Variants in DLGAP1 observed in about 807,000 individuals in gnomAD.
The protein encoded by DLGAP1 is DLG associated protein 1.
A neutral mutation model predicts 90.8 loss-of-function variants in DLGAP1; 11 were observed. The observed-to-expected ratio is 0.12, with a 90% CI of 0.08 to 0.20. The LOEUF (loss-of-function observed/expected upper bound fraction) is 0.20. DLGAP1 is among the 10% of genes least tolerant of loss of function. The pLI is 1.00. For missense variants in DLGAP1, 1,050 were observed against 1,333.8 expected (o/e 0.79, Z 3.31); for synonymous variants, 558 against 540.7 (o/e 1.03, Z -0.44).
intron 7 of DLGAP1, among the ~76,000 whole-genome samples, chr18:3,612,696 T>A (rs2057691411): frequency 6.6e-6 from 1 of 152,218 alleles, no homozygotes; most frequent in Admixed American, 6.5e-5. Context: ...TGAATTACAG[T>A]TTCATAAAAG....
intron 3 of DLGAP1, among the ~76,000 whole-genome samples, chr18:3,893,129 C>T (rs1439234183): frequency 6.6e-6 from 1 of 151,804 alleles, no homozygotes; most frequent in Non-Finnish European, 1.5e-5. Flanking sequence ...TATTTATCTC[C>T]TAAGGGAGAA....
At chr18:3,558,305 T>C (rs1464398822) in intron 9 of DLGAP1, among the ~76,000 whole-genome samples, 2 of 152,190 alleles carry the variant, frequency 1.3e-5, no homozygotes. Context: ...CGCTCTTGGC[T>C]CACTGTAACA....
intron 9 of DLGAP1, among the ~76,000 whole-genome samples, chr18:3,543,166 A>ATT (rs76751283): frequency 0.019 from 1,233 of 63,996 alleles, 83 homozygotes; most frequent in African/African-American, 0.045. Flanking sequence ...CATGACTCCA[A>ATT]TTTTTTTTTT....
In DLGAP1 at chr18:3,581,914, G is replaced by A; in HGVS notation, c.1926C>T (p.Asp642=). 1 of 1,614,180 alleles carries A rather than the reference G, an allele frequency of 6.2e-7. No homozygotes were observed. Among genetic ancestry groups the A allele is most frequent in the Non-Finnish European group, 8.5e-7 (1 of 1,180,028 alleles). The change falls in exon 8 of 13, where the codon GAC becomes GAT. Residue 642 remains aspartate, a synonymous_variant. Coordinates refer to ENST00000315677, the MANE Select transcript of DLGAP1 (RefSeq NM_004746.4). ...ATVTTEDRKK[D]HFKKNRCLSI... ...ACAGGCATCGATTTTTCTTAAAGTG[G>A]TCCTTCTTCCTGTCCTCCGTGGTGA...
intron 3 of DLGAP1, among the ~76,000 whole-genome samples, chr18:3,892,828 G>A (rs544403844): frequency 1.3e-5 from 2 of 150,688 alleles, no homozygotes; most frequent in South Asian, 4.2e-4. Context: ...TGCAATTCCT[G>A]TTCCATATTT....
Position 4,138,852 on chromosome 18 carries a change from A to G in DLGAP1, c.-159+12328T>C, listed in dbSNP as rs1168277436. Among the ~76,000 whole-genome samples the G allele has an allele frequency of 4.6e-5, 7 of 151,936 alleles. No individual in the cohort carries two copies. In the South Asian group the frequency reaches 1.4e-3, roughly 31 times the overall value. The stretch of plus-strand genomic sequence containing the variant: ...TCTGGTTCAGGTTTTGAAATTCTTC[A>G]TGGTTCAATATTAGTAGGTTGTATG... On this transcript the variant is annotated intron_variant, in intron 2 of 12. Coordinates refer to ENST00000315677, the MANE Select transcript of DLGAP1 (RefSeq NM_004746.4).
intron 3 of DLGAP1, among the ~76,000 whole-genome samples, chr18:3,908,633 T>G (rs956979779): frequency 6.6e-6 from 1 of 152,194 alleles, no homozygotes; most frequent in Non-Finnish European, 1.5e-5. Flanking sequence ...TAAGTTTATC[T>G]GCCACTCTTA....
In DLGAP1 at chr18:4,253,548, T is replaced by C. The variant is rs908666598; in HGVS notation, c.-266-102261A>G. On this transcript the variant is annotated intron_variant, in intron 1 of 12. Coordinates refer to ENST00000315677, the MANE Select transcript of DLGAP1 (RefSeq NM_004746.4). ...GCCTCAGCCTCCCAAGTAGCTGGGA[T>C]TACAGATGCACACCACCATGACAGC... 3.3e-5 allele frequency among the ~76,000 whole-genome samples: 5 copies of C among 152,092 alleles called. No individual in the cohort carries two copies. In the East Asian group the frequency reaches 9.6e-4, roughly 29 times the overall value.
intron 7 of DLGAP1, among the ~76,000 whole-genome samples, chr18:3,628,241 G>A (rs974277420): frequency 4.7e-5 from 7 of 148,328 alleles, no homozygotes; most frequent in South Asian, 2.1e-4. Context: ...CTAGGCTGGA[G>A]TGCAGTGGTG....
intron 2 of DLGAP1, among the ~76,000 whole-genome samples, chr18:4,034,046 T>C (rs1377858488): frequency 1.4e-5 from 2 of 147,516 alleles, no homozygotes; most frequent in Non-Finnish European, 3.0e-5. Context: ...CCTTTTTTTT[T>C]TTTTTTTTTT....
In DLGAP1 at chr18:4,215,952, T is replaced by C. The variant is rs139945125; in HGVS notation, c.-266-64665A>G. ...GACATAGACAAAAAGGGAATACACC[T>C]GAAGCAATTTTAGAACACAAAAATG... On this transcript the variant is annotated intron_variant, in intron 1 of 12. Transcript: ENST00000315677. Among the ~76,000 whole-genome samples the C allele has an allele frequency of 2.6e-3, 394 of 152,258 alleles. 2 individuals carry two copies. Among genetic ancestry groups the C allele is most frequent in the African/African-American group, 8.7e-3 (362 of 41,558 alleles).
At chr18:3,513,035 C>A (rs544654150) in intron 10 of DLGAP1, among the ~76,000 whole-genome samples, 18 of 152,238 alleles carry the variant, frequency 1.2e-4, no homozygotes, top group African/African-American at 4.3e-4. Flanking sequence ...CTTTCCCTCT[C>A]CCTCTACATC....
At chr18:3,540,474 A>AG (rs1219797245) in intron 9 of DLGAP1, among the ~76,000 whole-genome samples, 2 of 135,852 alleles carry the variant, frequency 1.5e-5, no homozygotes, top group East Asian at 2.0e-4. Context: ...TGTGTCAAAA[A>AG]AAAAAAAAAA....
chr18:4,042,869 C>T (rs1043667134), intron 2 of DLGAP1, among the ~76,000 whole-genome samples: 1 of 152,154 alleles, frequency 6.6e-6, no homozygotes. Flanking sequence ...AAAAGATCAT[C>T]ATTTTGGCTA....
chr18:4,346,449 T>TAG (rs1292544286), intron 1 of DLGAP1, among the ~76,000 whole-genome samples: 1 of 152,178 alleles, frequency 6.6e-6, no homozygotes, highest in Non-Finnish European at 1.5e-5. Flanking sequence ...CTCAGAAAGA[T>TAG]AGAGAGAGGG....
intron 2 of DLGAP1, among the ~76,000 whole-genome samples, chr18:4,125,147 G>C (rs567674404): frequency 6.6e-6 from 1 of 152,312 alleles, no homozygotes; most frequent in East Asian, 1.9e-4. Context: ...CACAGTACCA[G>C]GCATTATGCC....
intron 1 of DLGAP1, among the ~76,000 whole-genome samples, chr18:4,407,381 A>T (rs558048473): frequency 1.3e-5 from 2 of 152,342 alleles, no homozygotes; most frequent in African/African-American, 4.8e-5. Flanking sequence ...AGATAATGAA[A>T]GAGGGAATTT....
At chr18:3,520,217 C>T (rs1164890571) in intron 10 of DLGAP1, among the ~76,000 whole-genome samples, 4 of 152,076 alleles carry the variant, frequency 2.6e-5, no homozygotes, top group African/African-American at 9.7e-5. Context: ...CTACGTGTGT[C>T]CTTGGTCTGA....
chr18:3,522,731 C>T (rs567436632), intron 10 of DLGAP1, among the ~76,000 whole-genome samples: 5 of 151,754 alleles, frequency 3.3e-5, no homozygotes, highest in African/African-American at 4.8e-5. Context: ...TTAGTAGAGA[C>T]GGGGTTTCAC....
Sources: gnomAD v4.1 joint callset for allele counts (sites outside exome capture counted in the v4.1 genomes callset) on GRCh38, gnomAD v4.1.1 for gene constraint, MANE v1.5 for transcripts, NCBI Gene and HGNC (gene_info 2026-07-23, HGNC 2026-07-21) for gene names.